Variants in SLC2A9 observed in about 807,000 individuals in gnomAD.
SLC2A9 encodes the protein solute carrier family 2, facilitated glucose transporter member 9.
A neutral mutation model predicts 50.6 loss-of-function variants in SLC2A9; 39 were observed. The observed-to-expected ratio is 0.77, with a 90% CI of 0.60 to 1.01. The LOEUF is 1.01. Among genes scored for constraint, SLC2A9 ranks in the 50% least tolerant of loss-of-function variants. The pLI, the probability that SLC2A9 is intolerant of heterozygous loss-of-function variation, is 0.00. For synonymous variants in SLC2A9, 324 were observed against 276.9 expected (o/e 1.17, Z -1.69); for missense variants, 686 against 677.6 (o/e 1.01, Z -0.14).
At chr4:9,929,541 G>C (rs1745518467) in intron 6 of SLC2A9, among the ~76,000 whole-genome samples, 1 of 143,212 alleles carries the variant, frequency 7.0e-6, no homozygotes, top group Non-Finnish European at 1.5e-5. Flanking sequence ...TGAGCATTTG[G>C]AGAGGCACGT....
At chr4:9,954,892 C>G (rs1750941430) in intron 5 of SLC2A9, among the ~76,000 whole-genome samples, 1 of 151,606 alleles carries the variant, frequency 6.6e-6, no homozygotes, top group African/African-American at 2.4e-5. Flanking sequence ...AGTCAGTCTC[C>G]CAATAGAAAA....
chr4:9,941,747 T>C (rs1421116624), intron 6 of SLC2A9, among the ~76,000 whole-genome samples, 166 bp downstream of exon 6: 2 of 152,108 alleles, frequency 1.3e-5, no homozygotes, highest in African/African-American at 4.8e-5. Flanking sequence ...AGCAAGGCTG[T>C]TGGGAAGATG....
At chr4:9,856,829 T>C (rs1730798975) in intron 10 of SLC2A9, among the ~76,000 whole-genome samples, 1 of 152,218 alleles carries the variant, frequency 6.6e-6, no homozygotes, top group Non-Finnish European at 1.5e-5. Flanking sequence ...TGGATGGAGC[T>C]GGAGGCCATT....
At chr4:9,955,864 T>C in intron 5 of SLC2A9, among the ~76,000 whole-genome samples, 1 of 130,300 alleles carries the variant, frequency 7.7e-6, no homozygotes, top group South Asian at 2.5e-4. Flanking sequence ...CTCAAGCATC[T>C]GGATTTTTTT....
intron 2 of SLC2A9, among the ~76,000 whole-genome samples, chr4:9,998,523 G>A (rs1271465035): frequency 6.6e-6 from 1 of 152,190 alleles, no homozygotes; most frequent in East Asian, 1.9e-4. Flanking sequence ...ACTGAGGAGT[G>A]ACAAGCAGTG....
exon 4 of SLC2A9, chr4:9,779,900 T>C (rs941257366): frequency 2.0e-5 from 3 of 152,182 alleles, no homozygotes; most frequent in Admixed American, 2.0e-4. Flanking sequence ...TTGTCTGACA[T>C]CATGACTTGG....
At position 9,924,690 on chromosome 4, in the gene SLC2A9, C is replaced by T. The variant is rs774754189; in HGVS notation, c.815-4118G>A. ...CCCAGCTGGGCAAGTGGTGCTTCCT[C>T]GAGTCACCTCTCAAATAAACTTCCC... On this transcript the variant is annotated intron_variant, in intron 6 of 11. Transcript: ENST00000264784. Among the ~76,000 whole-genome samples the T allele has an allele frequency of 3.3e-5, 5 of 152,322 alleles. No individual in the cohort carries two copies. The South Asian group carries it at 8.3e-4, about 25-fold the overall frequency.
rs73804391 is a variant in SLC2A9 at position 9,828,160 on chromosome 4, C to A, written c.1420-1560G>T. Among the ~76,000 whole-genome samples, 570 of 152,268 alleles carry A rather than the reference C, an allele frequency of 3.7e-3. 5 individuals are homozygous for A. The highest frequency in any genetic ancestry group is 0.013 in the African/African-American group (558 of 41,558). ...TTATGCCAACAAAAACACTTGGAGG[C>A]AGGCTGAGCTTCTCTCTCTCTCTCC... On this transcript the variant is annotated intron_variant, in intron 11 of 11. Coordinates refer to ENST00000264784, the MANE Select transcript of SLC2A9 (RefSeq NM_020041.3).
intron 5 of SLC2A9, among the ~76,000 whole-genome samples, chr4:9,943,026 T>A (rs6449144): frequency 6.6e-6 from 1 of 152,098 alleles, no homozygotes. Flanking sequence ...CCATGGGAAG[T>A]TACCCTCAGG....
exon 2 of SLC2A9, chr4:9,771,302 C>T (rs867794325): frequency 2.6e-6 from 1 of 389,008 alleles, no homozygotes; most frequent in Non-Finnish European, 4.5e-6. Flanking sequence ...TGGGAGTTTC[C>T]TTCACCTGGT....
At chr4:9,950,973 C>T (rs1256059410) in intron 5 of SLC2A9, among the ~76,000 whole-genome samples, 1 of 151,746 alleles carries the variant, frequency 6.6e-6, no homozygotes, top group Non-Finnish European at 1.5e-5. Flanking sequence ...CCATTCAATC[C>T]AGCAATCTCA....
intron 5 of SLC2A9, among the ~76,000 whole-genome samples, chr4:9,973,745 A>G (rs937439481): frequency 2.0e-4 from 30 of 150,644 alleles, no homozygotes; most frequent in Non-Finnish European, 3.0e-4. Context: ...TAGCATTAGG[A>G]GGTATACTTA....
At chr4:9,898,254 T>TA (rs978704007) in intron 8 of SLC2A9, among the ~76,000 whole-genome samples, 13 of 151,826 alleles carry the variant, frequency 8.6e-5, no homozygotes, top group Admixed American at 7.2e-4. Flanking sequence ...TGAATGTATG[T>TA]AAAAAAAAGA....
At chr4:9,990,157 G>T (rs751656243) in intron 3 of SLC2A9, among the ~76,000 whole-genome samples, 5 of 152,150 alleles carry the variant, frequency 3.3e-5, no homozygotes, top group Non-Finnish European at 5.9e-5. Flanking sequence ...ATGCCTGAGT[G>T]CTTGGCACAT....
chr4:9,940,979 T>A (rs1748016337), intron 6 of SLC2A9, among the ~76,000 whole-genome samples: 1 of 152,178 alleles, frequency 6.6e-6, no homozygotes, highest in African/African-American at 2.4e-5. Flanking sequence ...GTCCTCACAA[T>A]GGCCCCATGA....
intron 4 of SLC2A9, among the ~76,000 whole-genome samples, chr4:9,982,433 G>A (rs1406154405): frequency 6.6e-6 from 1 of 151,524 alleles, no homozygotes; most frequent in Non-Finnish European, 1.5e-5. Flanking sequence ...CTTTTTGAAA[G>A]CTCATAGGAA....
intron 7 of SLC2A9, among the ~76,000 whole-genome samples, chr4:9,919,142 C>T (rs565998397): frequency 6.6e-6 from 1 of 152,268 alleles, no homozygotes; most frequent in African/African-American, 2.4e-5. Flanking sequence ...CAATTCACTT[C>T]CCCTCTCTAC....
At chr4:10,012,984 G>A (rs1762019167) in intron 2 of SLC2A9, among the ~76,000 whole-genome samples, 1 of 152,120 alleles carries the variant, frequency 6.6e-6, no homozygotes, top group Non-Finnish European at 1.5e-5. Flanking sequence ...GCCTTTGGGT[G>A]GAGACTAAAC....
intron 10 of SLC2A9, among the ~76,000 whole-genome samples, chr4:9,841,358 C>G (rs1443928386): frequency 1.3e-5 from 2 of 151,940 alleles, no homozygotes; most frequent in Non-Finnish European, 2.9e-5. Flanking sequence ...TCTGGGAAAT[C>G]TCTCTCTTCC....
Sources: gnomAD v4.1 joint callset for allele counts (sites outside exome capture counted in the v4.1 genomes callset) on GRCh38, gnomAD v4.1.1 for gene constraint, MANE v1.5 for transcripts, NCBI Gene and HGNC (gene_info 2026-07-23, HGNC 2026-07-21) for gene names.